The following CD200R1 variants were observed in gnomAD, a reference collection of about 807,000 sequenced individuals.
The protein encoded by CD200R1 is CD200 receptor 1, also known as cell surface glycoprotein CD200 receptor 1.
In CD200R1, 30 loss-of-function variants were observed where a neutral mutation model predicts 38.1. The ratio of observed to expected loss-of-function variants is 0.79; its 90% confidence interval spans 0.59 to 1.07. CD200R1 has a LOEUF of 1.07. Among genes scored for constraint, CD200R1 ranks in the 50% least tolerant of loss-of-function variants. The probability of loss-of-function intolerance (pLI) is 0.00; values close to 1 mark genes in which losing one functional copy is unlikely to be tolerated. For synonymous variants in CD200R1, 128 were observed against 152.1 expected (o/e 0.84, Z 1.16); for missense variants, 372 against 415.4 (o/e 0.90, Z 0.91).
intron 1 of CD200R1, among the ~76,000 whole-genome samples, chr3:112,955,576 T>G (rs1941078243): frequency 6.6e-6 from 1 of 150,976 alleles, no homozygotes; most frequent in South Asian, 2.1e-4. Flanking sequence ...TGGCATGATC[T>G]CGGCTCACTG....
intron 1 of CD200R1, among the ~76,000 whole-genome samples, chr3:112,959,269 G>C (rs1932955424): frequency 6.6e-6 from 1 of 152,074 alleles, no homozygotes; most frequent in South Asian, 2.1e-4. Flanking sequence ...AAGAAGTTCT[G>C]CCCTTTCCTT....
chr3:112,952,476 G>A (rs1034472947), intron 1 of CD200R1, among the ~76,000 whole-genome samples: 3 of 152,164 alleles, frequency 2.0e-5, no homozygotes, highest in Admixed American at 1.3e-4. Flanking sequence ...ATGAGTTCAT[G>A]TCCTTTGCAG....
At chr3:112,955,511 T>A (rs1221654214) in intron 1 of CD200R1, among the ~76,000 whole-genome samples, 2 of 124,294 alleles carry the variant, frequency 1.6e-5, no homozygotes, top group African/African-American at 6.1e-5. Flanking sequence ...TCTCTTCACA[T>A]TTTTTTTTTT....
intron 5 of CD200R1, among the ~76,000 whole-genome samples, chr3:112,927,780 A>G (rs1465793574): frequency 1.3e-5 from 2 of 152,202 alleles, no homozygotes; most frequent in East Asian, 3.8e-4. Context: ...AAATCTGACC[A>G]TGTAGAAAAT....
chr3:112,934,229 A>G (rs115234005), intron 2 of CD200R1, among the ~76,000 whole-genome samples: 3,256 of 152,252 alleles, frequency 0.021, 39 homozygotes, highest in South Asian at 0.047. Context: ...TGATAAAAAC[A>G]CGCAAGAGAA....
intron 2 of CD200R1, among the ~76,000 whole-genome samples, chr3:112,940,990 G>A (rs1336107569): frequency 2.0e-5 from 3 of 151,650 alleles, no homozygotes; most frequent in Admixed American, 2.0e-4. Flanking sequence ...ATGAAATCTT[G>A]TCATTCACAG....
At chr3:112,945,181 C>G (rs866492381) in intron 2 of CD200R1, among the ~76,000 whole-genome samples, 1 of 152,112 alleles carries the variant, frequency 6.6e-6, no homozygotes, top group Non-Finnish European at 1.5e-5. Context: ...CAATCCCAAC[C>G]AAAATCTCAG....
intron 2 of CD200R1, among the ~76,000 whole-genome samples, chr3:112,939,106 G>A (rs1318734243): frequency 6.6e-6 from 1 of 151,738 alleles, no homozygotes; most frequent in African/African-American, 2.4e-5. Flanking sequence ...AATAAATTAG[G>A]TACAGAAGAA....
At chr3:112,955,856 T>G (rs1010544423) in intron 1 of CD200R1, among the ~76,000 whole-genome samples, 1 of 151,990 alleles carries the variant, frequency 6.6e-6, no homozygotes, top group African/African-American at 2.4e-5. Context: ...AGGTTTCGGC[T>G]GAGAAGTCCA....
Position 112,931,088 on chromosome 3 carries a change from A to AG in CD200R1, c.202+17dup. ...TTTCCATCCCTAGGTGCTGGCCACTAGTAAGGAAGCATATTACCTTCTGCG... is the reference window on the plus strand; with the variant it reads ...TTTCCATCCCTAGGTGCTGGCCACTAGGTAAGGAAGCATATTACCTTCTGCG... On this transcript the variant is annotated intron_variant, in intron 3 of 7. Transcript: ENST00000308611. 6.3e-7 allele frequency: 1 copy of AG among 1,583,718 alleles called. No individual in the cohort carries two copies. The highest frequency in any genetic ancestry group is 1.1e-5 in the South Asian group (1 of 90,454).
At chr3:112,965,174 T>C (rs967811598) in intron 1 of CD200R1, among the ~76,000 whole-genome samples, 1 of 152,206 alleles carries the variant, frequency 6.6e-6, no homozygotes, top group African/African-American at 2.4e-5. Context: ...AGAATCAAGA[T>C]TAAATCATAT....
chr3:112,929,324 G>C lies in CD200R1; in HGVS notation c.386C>G (p.Thr129Ser). The change falls in exon 4 of 8, where the codon ACC becomes AGC. Residue 129 changes from threonine to serine, a missense_variant. Thr to Ser is a moderately conservative substitution (Grantham distance 58, BLOSUM62 1). Transcript: ENST00000308611. Reference sequence around the variant, plus strand: ...ATTCTGATCAGGTCTGGAGACCCAGGTTATTCTCTCATCAGTACAGTTGGT... The same window carrying C: ...ATTCTGATCAGGTCTGGAGACCCAGCTTATTCTCTCATCAGTACAGTTGGT... ...KETNCTDERI[T>S]WVSRPDQNSD... 6.2e-7 allele frequency: 1 copy of C among 1,614,106 alleles called. No individual in the cohort carries two copies. The highest frequency in any genetic ancestry group is 1.7e-5 in the Admixed American group (1 of 60,012).
intron 1 of CD200R1, among the ~76,000 whole-genome samples, chr3:112,956,764 G>A (rs938293106): frequency 6.6e-6 from 1 of 152,196 alleles, no homozygotes; most frequent in African/African-American, 2.4e-5. Context: ...CCTAAGCCTA[G>A]TACTACTATG....
chr3:112,927,411 C>CTT (rs3083318), intron 5 of CD200R1, among the ~76,000 whole-genome samples: 6,086 of 152,214 alleles, frequency 0.04, 262 homozygotes, highest in East Asian at 0.22. Context: ...TAAAAAATCA[C>CTT]AGCTTCTTTT....
At chr3:112,956,328 A>G (rs1941098869) in intron 1 of CD200R1, among the ~76,000 whole-genome samples, 1 of 149,858 alleles carries the variant, frequency 6.7e-6, no homozygotes, top group East Asian at 2.0e-4. Context: ...TTTTCATTGT[A>G]TTTTTCAGCA....
chr3:112,948,342 A>T (rs1940908294), intron 1 of CD200R1, among the ~76,000 whole-genome samples: 1 of 152,228 alleles, frequency 6.6e-6, no homozygotes, highest in East Asian at 1.9e-4. Flanking sequence ...TTGAAGTCAC[A>T]TCATAGAATC....
intron 1 of CD200R1, among the ~76,000 whole-genome samples, chr3:112,953,067 C>T (rs1227777415): frequency 6.6e-6 from 1 of 152,096 alleles, no homozygotes; most frequent in Non-Finnish European, 1.5e-5. Context: ...CCATTTTCCC[C>T]CATAAAGTGT....
intron 2 of CD200R1, among the ~76,000 whole-genome samples, chr3:112,936,003 A>C (rs1434835469): frequency 6.6e-6 from 1 of 152,036 alleles, no homozygotes; most frequent in Non-Finnish European, 1.5e-5. Context: ...CCATATGTCC[A>C]TGTGTTCTTA....
chr3:112,968,453 G>A lies in CD200R1; in HGVS notation c.67+6338C>T, dbSNP rs545354472. Among the ~76,000 whole-genome samples, 3 of 152,312 alleles carry A rather than the reference G, an allele frequency of 2.0e-5. No individual in the cohort carries two copies. In the South Asian group the frequency reaches 6.2e-4, roughly 32 times the overall value. ...ACAAAATATAAAAACAACTACCTGA[G>A]GTTACTGGAAAGTGGAGGAAGCAGA... On this transcript the variant is annotated intron_variant, in intron 1 of 7. Transcript: ENST00000308611.
Sources: gnomAD v4.1 joint callset for allele counts (sites outside exome capture counted in the v4.1 genomes callset) on GRCh38, gnomAD v4.1.1 for gene constraint, MANE v1.5 for transcripts, NCBI Gene and HGNC (gene_info 2026-07-23, HGNC 2026-07-21) for gene names.